Variants in DTNA observed in about 807,000 individuals in gnomAD.
DTNA encodes dystrophin-related protein 3.
Under a neutral mutation model 100.7 loss-of-function variants are expected in DTNA, and 43 were observed. The observed-to-expected ratio is 0.43, with a 90% confidence interval of 0.33 to 0.55. DTNA has a LOEUF of 0.55. Ranked by LOEUF, DTNA falls within the 20% of genes least tolerant of loss-of-function variation. The pLI, the probability that DTNA is intolerant of heterozygous loss-of-function variation, is 0.04. For missense variants in DTNA, 798 were observed against 953.9 expected (o/e 0.84, Z 2.15); for synonymous variants, 349 against 347.9 (o/e 1.00, Z -0.04).
At chr18:34,546,056 T>C (rs574667991) in intron 1 of DTNA, among the ~76,000 whole-genome samples, 1 of 152,154 alleles carries the variant, frequency 6.6e-6, no homozygotes, top group South Asian at 2.1e-4. Context: ...ATGTTTAAAA[T>C]ACAATTTCCT....
intron 1 of DTNA, among the ~76,000 whole-genome samples, chr18:34,630,414 T>C (rs11874172): frequency 0.026 from 4,027 of 152,280 alleles, 186 homozygotes; most frequent in African/African-American, 0.092. Context: ...GTATGATCAT[T>C]TTACTCTGTA....
At chr18:34,672,119 GATCAGCAAAA>G (rs2076840274) in intron 1 of DTNA, among the ~76,000 whole-genome samples, 2 of 152,188 alleles carry the variant, frequency 1.3e-5, no homozygotes, top group Non-Finnish European at 1.5e-5. Context: ...TTCTTGTCCT[GATCAGCAAAA>G]ATACGTGAAT....
At position 34,829,314 on chromosome 18, in the gene DTNA, T is replaced by C. The variant is rs868321800; in HGVS notation, c.1086-86T>C. 3.9e-6 allele frequency: 6 copies of C among 1,526,576 alleles called. No homozygotes were observed. In the South Asian group the frequency reaches 4.8e-5, roughly 12 times the overall value. 94.6% of individuals were successfully genotyped at this position (1,526,576 alleles called of 1,614,324 possible). A position where few individuals can be genotyped will look rare whatever the true frequency, so the allele number is the denominator to read the frequency against. ...TTGAGGGTGCTGTTCAATAAAGCTG[T>C]GTACACTAAATGTCTTTCCTCTCTG... On this transcript the variant is annotated intron_variant, in intron 10 of 22. Coordinates refer to ENST00000444659, the MANE Select transcript of DTNA (RefSeq NM_001386795.1).
rs150641973 is a variant in DTNA, at chr18:34,719,298, C to T, written c.-2+8853C>T. Among the ~76,000 whole-genome samples the T allele has an allele frequency of 7.6e-3, 1,156 of 152,064 alleles. 15 individuals carry two copies. Among genetic ancestry groups the T allele is most frequent in the African/African-American group, 0.026 (1,098 of 41,484 alleles). ...GGTGAAGGTTGCAGTGACCCCAGAT[C>T]GCACCACTGCATTCTAGCCTGGGTG... On this transcript the variant is annotated intron_variant, in intron 1 of 22. Coordinates refer to ENST00000444659, the MANE Select transcript of DTNA (RefSeq NM_001386795.1).
intron 1 of DTNA, among the ~76,000 whole-genome samples, chr18:34,637,949 A>G (rs961023475): frequency 6.6e-6 from 1 of 152,272 alleles, no homozygotes; most frequent in Admixed American, 6.5e-5. Flanking sequence ...TGTCATTGTC[A>G]TTTTTGCCTG....
At chr18:34,690,372 C>T (rs1285972544) in intron 1 of DTNA, among the ~76,000 whole-genome samples, 2 of 152,142 alleles carry the variant, frequency 1.3e-5, no homozygotes, top group African/African-American at 4.8e-5. Flanking sequence ...TCATGGCTTC[C>T]CTTGGCTAGG....
At chr18:34,877,959 G>T (rs538024435) in intron 19 of DTNA, 151 bp downstream of exon 19, 232 of 665,994 alleles carry the variant, frequency 3.5e-4, no homozygotes, top group Admixed American at 1.8e-3. Flanking sequence ...GATTTGAGGG[G>T]TTTTTTTTTT....
upstream of DTNA, chr18:34,709,616 A>G (rs1228754671): frequency 1.3e-5 from 2 of 152,212 alleles, no homozygotes; most frequent in African/African-American, 2.4e-5. Flanking sequence ...TGCTCTTAAT[A>G]TAGAGCCCTC....
intron 1 of DTNA, among the ~76,000 whole-genome samples, chr18:34,727,491 A>G (rs1181026324): frequency 3.3e-5 from 5 of 152,170 alleles, no homozygotes; most frequent in African/African-American, 1.2e-4. Context: ...TGTAAAACAA[A>G]CTAAATGCCC....
chr18:34,543,120 T>C (rs2044413590), intron 1 of DTNA, among the ~76,000 whole-genome samples: 1 of 152,100 alleles, frequency 6.6e-6, no homozygotes, highest in Admixed American at 6.6e-5. Context: ...CTTGTAGCTT[T>C]AATAAAATTT....
intron 1 of DTNA, among the ~76,000 whole-genome samples, chr18:34,688,416 G>C (rs900142528): frequency 6.6e-6 from 1 of 152,198 alleles, no homozygotes; most frequent in Non-Finnish European, 1.5e-5. Flanking sequence ...AGTTTGGCTA[G>C]ATATGAAATT....
intron 1 of DTNA, among the ~76,000 whole-genome samples, chr18:34,715,416 C>G (rs28533673): frequency 8.1e-4 from 124 of 152,198 alleles, no homozygotes; most frequent in African/African-American, 2.8e-3. Flanking sequence ...TCCCCACTCT[C>G]AAACACACAT....
At chr18:34,843,065 G>A (rs1208660860) in intron 13 of DTNA, among the ~76,000 whole-genome samples, 2 of 152,142 alleles carry the variant, frequency 1.3e-5, no homozygotes, top group Non-Finnish European at 2.9e-5. Flanking sequence ...CAGTAGTGCA[G>A]TAGCTAAAAA....
chr18:34,585,125 A>G (rs532301566), intron 1 of DTNA, among the ~76,000 whole-genome samples: 61 of 152,274 alleles, frequency 4.0e-4, no homozygotes, highest in African/African-American at 1.4e-3. Context: ...CCACCCACCC[A>G]TGAGGGAGTC....
Position 34,875,346 on chromosome 18 carries a change from G to A in DTNA, c.1851G>A (p.Pro617=), listed in dbSNP as rs756382217. ...ASACSTPTHT[P]QDSLTGVGGD... ...CCTGCTCCACCCCGACGCACACGCCGCAGGACTCCCTCACAGGAGTAGGGG... is the reference window on the plus strand; with the variant it reads ...CCTGCTCCACCCCGACGCACACGCCACAGGACTCCCTCACAGGAGTAGGGG... The change falls in exon 18 of 23, where the codon CCG becomes CCA. Residue 617 remains proline, a synonymous_variant. Coordinates refer to ENST00000444659, the MANE Select transcript of DTNA (RefSeq NM_001386795.1). 1.7e-5 allele frequency: 28 copies of A among 1,614,076 alleles called. No homozygotes were observed. The highest frequency in any genetic ancestry group is 4.5e-5 in the East Asian group (2 of 44,894).
chr18:34,741,384 T>C (rs2090623257), intron 1 of DTNA, among the ~76,000 whole-genome samples: 1 of 152,216 alleles, frequency 6.6e-6, no homozygotes, highest in Admixed American at 6.5e-5. Context: ...TGGGCTGATA[T>C]TTTAATAACT....
Position 34,501,046 on chromosome 18 carries a change from G to T in DTNA, c.-2+7532G>T, listed in dbSNP as rs183063509. 6.1e-4 allele frequency among the ~76,000 whole-genome samples: 93 copies of T among 152,252 alleles called. 1 individual carries two copies. The highest frequency in any genetic ancestry group is 2.1e-3 in the African/African-American group (86 of 41,548). On this transcript the variant is annotated intron_variant, in intron 1 of 19. Transcript: ENST00000283365. ...CTTTGCCTTTTGCTAATCTTCAGTG[G>T]AAAGCATTCACTCTTTCTGCATTAA...
At chr18:34,853,893 G>GA (rs989492357) in intron 15 of DTNA, among the ~76,000 whole-genome samples, 1 of 152,076 alleles carries the variant, frequency 6.6e-6, no homozygotes, top group African/African-American at 2.4e-5. Context: ...TGCCAAGTCA[G>GA]AAAAAAGCAT....
chr18:34,566,742 G>A (rs566347703), intron 1 of DTNA, among the ~76,000 whole-genome samples: 1 of 152,232 alleles, frequency 6.6e-6, no homozygotes, highest in South Asian at 2.1e-4. Context: ...GTTCTCCAGG[G>A]ATCCTACTGA....
Sources: gnomAD v4.1 joint callset for allele counts (sites outside exome capture counted in the v4.1 genomes callset) on GRCh38, gnomAD v4.1.1 for gene constraint, MANE v1.5 for transcripts, NCBI Gene and HGNC (gene_info 2026-07-23, HGNC 2026-07-21) for gene names.